MYZAP: variants seen among roughly 807,000 people sequenced by gnomAD.
MYZAP encodes the protein myocardial zonula adherens protein.
Under a neutral mutation model 69.4 loss-of-function variants are expected in MYZAP, and 66 were observed. That is an observed-to-expected ratio of 0.95 (90% CI 0.78 to 1.17). The LOEUF is 1.17. MYZAP is among the 50% of genes most tolerant of loss of function. The pLI is 0.00. For missense variants in MYZAP, 611 were observed against 556.2 expected (o/e 1.10, Z -0.99); for synonymous variants, 256 against 205.9 (o/e 1.24, Z -2.09).
chr15:57,682,747 G>T (rs138463459), intron 12 of MYZAP, among the ~76,000 whole-genome samples: 1 of 152,076 alleles, frequency 6.6e-6, no homozygotes, highest in Non-Finnish European at 1.5e-5. Flanking sequence ...TGTTCCAGTC[G>T]TTCCAAAGGA....
intron 3 of MYZAP, among the ~76,000 whole-genome samples, chr15:57,620,903 C>T (rs375571094): frequency 6.6e-6 from 1 of 151,798 alleles, no homozygotes; most frequent in Middle Eastern, 3.4e-3. Context: ...AGGTGAATTT[C>T]AACAAACCAT....
At position 57,592,050 on chromosome 15, in the gene MYZAP, T is replaced by C. The variant is rs892123858; in HGVS notation, c.16T>C (p.Ser6Pro). Residue 6 changes from serine (S) to proline (P), a missense_variant, in exon 1 of 13, where the codon TCC becomes CCC. By Grantham distance (74) the Ser-to-Pro change is moderately conservative. Coordinates refer to ENST00000267853, the MANE Select transcript of MYZAP (RefSeq NM_001018100.5). MLRST[S>P]TVTLLSGGAA... ...CCGCTGCGGGATGCTGCGCTCCACGTCCACGGTCACCCTGCTCTCGGGCGG... is the reference window on the plus strand; with the variant it reads ...CCGCTGCGGGATGCTGCGCTCCACGCCCACGGTCACCCTGCTCTCGGGCGG... 1 of 1,432,132 alleles carries C rather than the reference T, an allele frequency of 7.0e-7. No individual in the cohort carries two copies. 88.7% of individuals were successfully genotyped at this position (1,432,132 alleles called of 1,614,324 possible).
chr15:57,641,814 A>G (rs796070878), intron 10 of MYZAP, among the ~76,000 whole-genome samples: 1 of 152,206 alleles, frequency 6.6e-6, no homozygotes, highest in African/African-American at 2.4e-5. Context: ...TATTTTTTTT[A>G]AAAGTTAGAA....
rs138712430 is a variant in MYZAP at position 57,618,135 on chromosome 15, G to A, written c.265G>A (p.Val89Met). The change falls in exon 3 of 13, where the codon GTG becomes ATG. Residue 89 changes from valine (V) to methionine (M), a missense_variant. Physicochemically the swap from Val to Met is conservative, Grantham distance 21 (BLOSUM62 1). Coordinates refer to ENST00000267853, the MANE Select transcript of MYZAP (RefSeq NM_001018100.5). ...TCAAAATCAGCAGAAAGAAATGGTG[G>A]TGTATGGGTGGTCCACCAGTCAGCT... ...SDQNQQKEMVVYGWSTSQLKE... is the reference protein window; with the variant it reads ...SDQNQQKEMVMYGWSTSQLKE... 1,049 of 1,614,074 alleles carry A rather than the reference G, an allele frequency of 6.5e-4. 1 individual carries two copies. The highest frequency in any genetic ancestry group is 7.6e-4 in the Non-Finnish European group (901 of 1,180,040).
intron 11 of MYZAP, among the ~76,000 whole-genome samples, chr15:57,666,192 G>A (rs1026653401): frequency 7.9e-5 from 12 of 152,034 alleles, no homozygotes; most frequent in East Asian, 1.9e-4. Flanking sequence ...ACCTGGACTC[G>A]GTTAGTTCAT....
At chr15:57,644,190 C>T (rs561774984) in intron 10 of MYZAP, among the ~76,000 whole-genome samples, 54 of 152,310 alleles carry the variant, frequency 3.5e-4, no homozygotes, top group African/African-American at 1.3e-3. Context: ...TGGCCTGACT[C>T]TCCTTGCTGG....
At chr15:57,597,277 T>G (rs2034121879) in intron 1 of MYZAP, among the ~76,000 whole-genome samples, 1 of 152,196 alleles carries the variant, frequency 6.6e-6, no homozygotes, top group African/African-American at 2.4e-5. Context: ...ACAGAATCAC[T>G]GGGAGGCTTA....
intron 5 of MYZAP, among the ~76,000 whole-genome samples, chr15:57,627,719 G>A (rs1375028367): frequency 1.3e-5 from 2 of 152,100 alleles, no homozygotes; most frequent in African/African-American, 2.4e-5. Flanking sequence ...ACAAACTGAG[G>A]CCGACAGAGA....
At chr15:57,672,979 G>A (rs1348699061) in intron 11 of MYZAP, among the ~76,000 whole-genome samples, 1 of 152,062 alleles carries the variant, frequency 6.6e-6, no homozygotes, top group African/African-American at 2.4e-5. Context: ...AGCTCCTCAA[G>A]GGTTGCAAAT....
intron 10 of MYZAP, among the ~76,000 whole-genome samples, chr15:57,652,834 C>T (rs1451547329): frequency 6.6e-6 from 1 of 152,114 alleles, no homozygotes; most frequent in Non-Finnish European, 1.5e-5. Context: ...AAAGTATTTC[C>T]TTGTAAAATT....
At position 57,680,226 on chromosome 15, in the gene MYZAP, C is replaced by T. The variant is rs535105797; in HGVS notation, c.1305-4176C>T. The stretch of plus-strand genomic sequence containing the variant: ...TTCTGAGTCAGAGAATTATTTTGCT[C>T]CTTGACTCACTCACTCATACTGTGC... On this transcript the variant is annotated intron_variant, in intron 12 of 12. Transcript: ENST00000267853. Among the ~76,000 whole-genome samples the T allele has an allele frequency of 1.4e-4, 21 of 152,246 alleles. No individual in the cohort carries two copies. In the South Asian group the frequency reaches 1.5e-3, roughly 11 times the overall value.
Position 57,684,386 on chromosome 15 carries a change from T to G in MYZAP, c.1305-16T>G. The G allele has an allele frequency of 6.3e-7, 1 of 1,594,728 alleles. No homozygotes were observed. Among genetic ancestry groups the G allele is most frequent in the South Asian group, 1.1e-5 (1 of 90,262 alleles). ...TTTTGTTTCATTTTCCTGACCTGCA[T>G]TTTCTCATTTCTCAGCCAAACAGGC... On this transcript the variant is annotated splice_polypyrimidine_tract_variant and intron_variant, in intron 12 of 12. Transcript: ENST00000267853.
chr15:57,626,429 A>T (rs1256281837), intron 5 of MYZAP, among the ~76,000 whole-genome samples: 1 of 152,216 alleles, frequency 6.6e-6, no homozygotes, highest in African/African-American at 2.4e-5. Context: ...TATATTTGTG[A>T]AAATGCATGT....
At chr15:57,607,259 T>C (rs1226223920) in intron 2 of MYZAP, among the ~76,000 whole-genome samples, 1 of 152,240 alleles carries the variant, frequency 6.6e-6, no homozygotes, top group Admixed American at 6.5e-5. Context: ...GAGATGTTCG[T>C]GAAAGGTTTC....
At chr15:57,619,912 G>A (rs1379509430) in intron 3 of MYZAP, among the ~76,000 whole-genome samples, 1 of 152,074 alleles carries the variant, frequency 6.6e-6, no homozygotes, top group African/African-American at 2.4e-5. Flanking sequence ...ATGTGCCAAA[G>A]ACCTGGAATT....
At chr15:57,629,130 A>T (rs1416615582) in intron 5 of MYZAP, among the ~76,000 whole-genome samples, 4 of 151,250 alleles carry the variant, frequency 2.6e-5, no homozygotes, top group Admixed American at 2.6e-4. Context: ...AAAGAGGAAT[A>T]TCTCTATTCT....
At chr15:57,621,279 C>T (rs1275619961) in intron 3 of MYZAP, among the ~76,000 whole-genome samples, 3 of 145,764 alleles carry the variant, frequency 2.1e-5, no homozygotes, top group Non-Finnish European at 4.5e-5. Context: ...GGCATGATCT[C>T]GGCTCACTGC....
chr15:57,679,698 T>A (rs1891697060), intron 12 of MYZAP, among the ~76,000 whole-genome samples: 1 of 152,154 alleles, frequency 6.6e-6, no homozygotes, highest in African/African-American at 2.4e-5. Context: ...CCCATGGTAG[T>A]CCACATGGCT....
intron 2 of MYZAP, among the ~76,000 whole-genome samples, chr15:57,605,688 G>A (rs1221515865): frequency 2.0e-5 from 3 of 152,122 alleles, no homozygotes; most frequent in African/African-American, 7.2e-5. Flanking sequence ...TAAAATTGCT[G>A]ATCTGCCTAA....
Sources: allele counts gnomAD v4.1 joint callset (sites outside exome capture counted in the v4.1 genomes callset), GRCh38; gene constraint gnomAD v4.1.1; transcripts MANE v1.5; gene names NCBI Gene and HGNC (gene_info 2026-07-23, HGNC 2026-07-21).